Variants in SAG observed in about 807,000 individuals in gnomAD.
SAG encodes S-antigen visual arrestin.
Under a neutral mutation model 55.0 loss-of-function variants are expected in SAG, and 45 were observed. The ratio of observed to expected loss-of-function variants is 0.82; its 90% CI spans 0.64 to 1.05. SAG has a LOEUF of 1.05. SAG is among the 50% of genes least tolerant of loss of function. The pLI, the probability that SAG is intolerant of heterozygous loss-of-function variation, is 0.00. For synonymous variants in SAG, 189 were observed against 197.4 expected (o/e 0.96, Z 0.36); for missense variants, 455 against 512.1 (o/e 0.89, Z 1.08).
At chr2:233,328,286 C>T in intron 7 of SAG, 192 bp from the exon 8 acceptor site, 1 of 564,124 alleles carries the variant, frequency 1.8e-6, no homozygotes, top group South Asian at 3.0e-5. Flanking sequence ...GGACCAGGAC[C>T]CAGACCCCCA....
In SAG at chr2:233,340,311, CATTAAGGGATGGGAAGACCCTGGATGTT is replaced by C; in HGVS notation, c.1023-143_1023-116del. ...TGAAGTCACAGGTAATGAAGTTGAA[CATTAAGGGATGGGAAGACCCTGGATGTT>C]GTGAGTTCGGGTGCAAGGGCCATGA... is the stretch of plus-strand genomic sequence containing the variant. On this transcript the variant is annotated intron_variant, in intron 12 of 15. Coordinates refer to ENST00000409110, the MANE Select transcript of SAG (RefSeq NM_000541.5). This position sits in a 1 kb window ranked among gnomAD's most constrained non-coding sequence, Gnocchi z 4.2. 1.5e-6 allele frequency: 1 copy of C among 675,858 alleles called. No homozygotes were observed. 41.9% of individuals were successfully genotyped at this position (675,858 alleles called of 1,614,324 possible).
chr2:233,331,953 A>G (rs1020982611), intron 10 of SAG: 10 of 523,628 alleles, frequency 1.9e-5, no homozygotes, highest in Non-Finnish European at 3.4e-5. Flanking sequence ...AGAATGACGC[A>G]GAGGAGAGAA....
rs551475758 is a variant in SAG at position 233,314,320 on chromosome 2, C to G, written c.76-1755C>G. 2.2e-4 allele frequency among the ~76,000 whole-genome samples: 34 copies of G among 152,212 alleles called. 1 individual carries two copies. The South Asian group carries it at 7.0e-3, about 32-fold the overall frequency. On this transcript the variant is annotated intron_variant, in intron 2 of 15. Coordinates refer to ENST00000409110, the MANE Select transcript of SAG (RefSeq NM_000541.5). ...TCCCTGGGGTTAAGGGATGAGGGAT[C>G]GCACAATTCTCAGAACCCCGAGGCC...
In SAG at chr2:233,319,916, G is replaced by A. The variant is rs1327260406; in HGVS notation, c.182-714G>A. 3.0e-6 allele frequency: 3 copies of A among 985,494 alleles called. No homozygotes were observed. Among genetic ancestry groups the A allele is most frequent in the Admixed American group, 1.2e-4 (2 of 16,272 alleles). The allele number at this position is 985,494 out of a possible 1,614,324, so 61.0% of individuals were successfully genotyped here. A position where few individuals can be genotyped will look rare whatever the true frequency, so the allele number is the denominator to read the frequency against. On this transcript the variant is annotated intron_variant, in intron 4 of 15. Coordinates refer to ENST00000409110, the MANE Select transcript of SAG (RefSeq NM_000541.5). This position sits in a 1 kb window ranked among gnomAD's most constrained non-coding sequence, Gnocchi z 4.4. ...AACCAACAGCTACCACGCACTTGGC[G>A]GGGCCGCCTCTCGTGCTTTATATTT...
chr2:233,308,407 C>A (rs944647891), intron 1 of SAG, among the ~76,000 whole-genome samples: 4 of 151,736 alleles, frequency 2.6e-5, no homozygotes, highest in Non-Finnish European at 4.4e-5. Context: ...TTCGAGGCTG[C>A]GGTGAGCTAT....
At chr2:233,316,790 A>G (rs1193407900) in intron 3 of SAG, among the ~76,000 whole-genome samples, 1 of 152,272 alleles carries the variant, frequency 6.6e-6, no homozygotes, top group East Asian at 1.9e-4. Flanking sequence ...CATCTTTGGT[A>G]TCATTAGCCA....
chr2:233,343,588 A>G, intron 14 of SAG: 1 of 884,610 alleles, frequency 1.1e-6, no homozygotes, highest in Admixed American at 3.4e-5. Flanking sequence ...GGTAAATTGT[A>G]TGATATATGA....
Position 233,340,555 on chromosome 2 carries a change from T to G in SAG, c.1046+77T>G. The stretch of plus-strand genomic sequence containing the variant: ...GCAAACTTGGGGCTCCAAAACGGTT[T>G]CTGATGAAAGCTGCTTTCTGGACAG... On this transcript the variant is annotated intron_variant, in intron 13 of 15. Coordinates refer to ENST00000409110, the MANE Select transcript of SAG (RefSeq NM_000541.5). The surrounding 1 kb of genome is among the most constrained non-coding windows in gnomAD (Gnocchi z 4.2). 50 of 1,182,912 alleles carry G rather than the reference T, an allele frequency of 4.2e-5. No homozygotes were observed. The highest frequency in any genetic ancestry group is 5.8e-5 in the Non-Finnish European group (47 of 804,948). The allele number at this position is 1,182,912 out of a possible 1,614,324, so 73.3% of individuals were successfully genotyped here. A position where few individuals can be genotyped will look rare whatever the true frequency, so the allele number is the denominator to read the frequency against.
chr2:233,336,752 G>T (rs142227223), intron 11 of SAG, among the ~76,000 whole-genome samples: 1 of 152,208 alleles, frequency 6.6e-6, no homozygotes, highest in East Asian at 1.9e-4. Context: ...TCAGGCACGT[G>T]GCAGAGCATG....
In SAG at chr2:233,329,557, TGAA is replaced by T. The variant is rs1700682437; in HGVS notation, c.719_721del (p.Lys240del). On this transcript the variant is annotated inframe_deletion, in exon 9 of 16. Coordinates refer to ENST00000409110, the MANE Select transcript of SAG (RefSeq NM_000541.5). The stretch of plus-strand genomic sequence containing the variant: ...GTCACCAATAACACAGAGAAGACCG[TGAA>T]GAAGATTAAAGCATTCGGTAGGACC... The T allele has an allele frequency of 6.2e-7, 1 of 1,611,840 alleles. No homozygotes were observed. Among genetic ancestry groups the T allele is most frequent in the South Asian group, 1.1e-5 (1 of 91,010 alleles).
intron 1 of SAG, among the ~76,000 whole-genome samples, chr2:233,308,705 G>A (rs557810759): frequency 1.3e-3 from 195 of 152,268 alleles, no homozygotes; most frequent in Middle Eastern, 6.8e-3. Context: ...GAGATGACAG[G>A]TGTGAGCCAC....
At chr2:233,325,710 C>G (rs749090308) in intron 6 of SAG, among the ~76,000 whole-genome samples, 2 of 152,196 alleles carry the variant, frequency 1.3e-5, no homozygotes, top group Non-Finnish European at 2.9e-5. Flanking sequence ...ATAGGCCCAA[C>G]AAAGCACCAC....
chr2:233,308,858 C>A (rs1700004429), intron 1 of SAG, among the ~76,000 whole-genome samples: 1 of 152,120 alleles, frequency 6.6e-6, no homozygotes, highest in Non-Finnish European at 1.5e-5. Flanking sequence ...GTGATAACAC[C>A]AAAGGTTAGT....
At chr2:233,336,398 T>C (rs886915000) in intron 11 of SAG, among the ~76,000 whole-genome samples, 3 of 151,784 alleles carry the variant, frequency 2.0e-5, no homozygotes, top group South Asian at 4.2e-4. Context: ...GCCTGTAATC[T>C]CAGCTACTCG....
chr2:233,346,503 A>G, intron 15 of SAG, 91 bp downstream of exon 15: 1 of 1,386,528 alleles, frequency 7.2e-7, no homozygotes. Flanking sequence ...CTTTGCACAT[A>G]TCCCAAGCTC....
chr2:233,319,713 G>T lies in SAG; in HGVS notation c.182-917G>T. The T allele has an allele frequency of 1.0e-6, 1 of 985,788 alleles. No homozygotes were observed. The highest frequency in any genetic ancestry group is 1.2e-6 in the Non-Finnish European group (1 of 830,184). 61.1% of individuals were successfully genotyped at this position (985,788 alleles called of 1,614,324 possible). ...TTGAGCCCCGAAAGCCCAAGTCCTT[G>T]ACCAGAGAAGGGCGCCTGTTCTCAG... is the stretch of plus-strand genomic sequence containing the variant. On this transcript the variant is annotated intron_variant, in intron 4 of 15. Coordinates refer to ENST00000409110, the MANE Select transcript of SAG (RefSeq NM_000541.5). The surrounding 1 kb of genome is among the most constrained non-coding windows in gnomAD (Gnocchi z 4.4).
chr2:233,314,538 C>T (rs1360014214), intron 2 of SAG, among the ~76,000 whole-genome samples: 1 of 152,210 alleles, frequency 6.6e-6, no homozygotes, highest in Non-Finnish European at 1.5e-5. Flanking sequence ...GGCCAAGACA[C>T]CCACAGTGTT....
intron 2 of SAG, 40 bp downstream of exon 2, chr2:233,309,304 G>T (rs747325682): frequency 3.4e-5 from 53 of 1,557,988 alleles, no homozygotes; most frequent in Non-Finnish European, 4.6e-5. Context: ...AGAAATTATT[G>T]TTTAAAAAAA....
Position 233,335,063 on chromosome 2 carries a change from T to G in SAG, c.908T>G (p.Ile303Ser). 1.9e-6 allele frequency: 3 copies of G among 1,613,868 alleles called. No homozygotes were observed. Among genetic ancestry groups the G allele is most frequent in the Non-Finnish European group, 2.5e-6 (3 of 1,179,810 alleles). Residue 303 changes from isoleucine to serine, a missense_variant, in exon 11 of 16, where the codon ATC becomes AGC. Physicochemically the swap from Ile to Ser is moderately radical, Grantham distance 142. Coordinates refer to ENST00000409110, the MANE Select transcript of SAG (RefSeq NM_000541.5). ...ERRGIALDGK[I>S]KHEDTNLASS... ...AGAGGCATTGCCCTGGATGGGAAAA[T>G]CAAGCACGAGGACACAAACCTTGCC...
Sources: gnomAD v4.1 joint callset for allele counts (sites outside exome capture counted in the v4.1 genomes callset) on GRCh38, gnomAD v4.1.1 for gene constraint, Gnocchi (gnomAD v3.1) non-coding constraint, MANE v1.5 for transcripts, NCBI Gene and HGNC (gene_info 2026-07-23, HGNC 2026-07-21) for gene names.